Variants in ATP13A3 observed in about 807,000 individuals in gnomAD.
The protein encoded by ATP13A3 is ATPase 13A3.
In ATP13A3, 59 loss-of-function variants were observed where a neutral mutation model predicts 158.1. The observed-to-expected ratio is 0.37, with a 90% CI of 0.30 to 0.46. ATP13A3 has a LOEUF of 0.46. ATP13A3 is among the 20% of genes least tolerant of loss of function. ATP13A3 has a pLI of 1.00. For missense variants in ATP13A3, 1,166 were observed against 1,525.2 expected (o/e 0.76, Z 3.92); for synonymous variants, 491 against 504.3 (o/e 0.97, Z 0.35).
At chr3:194,493,412 C>G (rs535325740) in intron 2 of ATP13A3, among the ~76,000 whole-genome samples, 1 of 151,988 alleles carries the variant, frequency 6.6e-6, no homozygotes, top group Non-Finnish European at 1.5e-5. Flanking sequence ...TTTGGGAGGC[C>G]GAGGCAGGTG....
chr3:194,488,592 C>G (rs1721092050), upstream of ATP13A3: 2 of 152,452 alleles, frequency 1.3e-5, no homozygotes, highest in Non-Finnish European at 1.5e-5. The surrounding 1 kb of genome is among the most constrained non-coding windows in gnomAD (Gnocchi z 4.1). Context: ...TTTGCCAAAC[C>G]TTGCAGGCAT....
upstream of ATP13A3, among the ~76,000 whole-genome samples, chr3:194,490,488 C>G (rs1370708511): frequency 2.0e-5 from 3 of 152,248 alleles, no homozygotes; most frequent in Non-Finnish European, 4.4e-5. The surrounding 1 kb of genome is among the most constrained non-coding windows in gnomAD (Gnocchi z 4.4). Flanking sequence ...CTCCCTGTTT[C>G]TCTTTGTCTA....
At chr3:194,417,162 G>C (rs892111287) in intron 31 of ATP13A3, among the ~76,000 whole-genome samples, 2 of 152,070 alleles carry the variant, frequency 1.3e-5, no homozygotes, top group Admixed American at 6.6e-5. Context: ...AAGAAGAAAA[G>C]CTTAGCTGGG....
upstream of ATP13A3, chr3:194,487,073 A>C (rs1421856896): frequency 6.9e-6 from 1 of 144,450 alleles, no homozygotes; most frequent in South Asian, 2.5e-4. Flanking sequence ...GGGCGACGTC[A>C]GGAGGCGGGG....
chr3:194,478,005 T>G (rs1720599968), intron 2 of ATP13A3, among the ~76,000 whole-genome samples: 1 of 152,338 alleles, frequency 6.6e-6, no homozygotes, highest in East Asian at 1.9e-4. Context: ...GTGTCTTCAC[T>G]CTAGCCAAGC....
chr3:194,411,842 G>A (rs552076415), intron 33 of ATP13A3, among the ~76,000 whole-genome samples: 4 of 152,028 alleles, frequency 2.6e-5, no homozygotes, highest in Admixed American at 6.5e-5. Flanking sequence ...GCTTCTAAGG[G>A]GACTCATGAA....
chr3:194,413,464 A>G (rs375131757), intron 32 of ATP13A3, among the ~76,000 whole-genome samples: 31 of 152,232 alleles, frequency 2.0e-4, no homozygotes, highest in East Asian at 9.7e-4. Flanking sequence ...CTGGTTCATC[A>G]GTTTCATGGG....
chr3:194,449,700 C>A (rs114784800), intron 11 of ATP13A3, among the ~76,000 whole-genome samples: 15 of 147,836 alleles, frequency 1.0e-4, no homozygotes, highest in African/African-American at 2.0e-4. Flanking sequence ...AAAAAAAAAA[C>A]AAAAAAAAAA....
Position 194,447,056 on chromosome 3 carries a change from A to G in ATP13A3, c.1368T>C (p.Pro456=). ...CAGCAGTCATTGCAGCAGGAAGTGC[A>G]GGGGGCACAGTAATTGTGATAATAT... ...SLDIITITVP[P]ALPAAMTAGI... is the part of the protein sequence containing the mutation. Residue 456 remains proline (P), a synonymous_variant, in exon 14 of 34, where the codon CCT becomes CCC. Transcript: ENST00000645319. 1 of 1,613,248 alleles carries G rather than the reference A, an allele frequency of 6.2e-7. No homozygotes were observed. The highest frequency in any genetic ancestry group is 8.5e-7 in the Non-Finnish European group (1 of 1,179,760).
At chr3:194,437,822 T>G (rs190740153) in intron 17 of ATP13A3, among the ~76,000 whole-genome samples, 1 of 152,048 alleles carries the variant, frequency 6.6e-6, no homozygotes, top group African/African-American at 2.4e-5. Flanking sequence ...AACTAAGGGG[T>G]GCAAGCAAGT....
chr3:194,443,333 G>A (rs1718178503), intron 15 of ATP13A3, among the ~76,000 whole-genome samples: 1 of 152,078 alleles, frequency 6.6e-6, no homozygotes, highest in Non-Finnish European at 1.5e-5. Flanking sequence ...GATAATGTAA[G>A]AACAAGCAGT....
chr3:194,430,802 T>C (rs1400969306), intron 24 of ATP13A3, 141 bp downstream of exon 24: 1 of 592,692 alleles, frequency 1.7e-6, no homozygotes. Context: ...GCACTTAAAG[T>C]TCTGAACTAT....
At chr3:194,443,832 A>G (rs922230770) in intron 15 of ATP13A3, among the ~76,000 whole-genome samples, 9 of 152,164 alleles carry the variant, frequency 5.9e-5, no homozygotes, top group Admixed American at 3.9e-4. Context: ...TTTTCAATAC[A>G]CAATATTGAA....
chr3:194,490,526 C>T (rs1026789475), upstream of ATP13A3, among the ~76,000 whole-genome samples: 2 of 152,234 alleles, frequency 1.3e-5, no homozygotes, highest in Non-Finnish European at 2.9e-5. This position sits in a 1 kb window ranked among gnomAD's most constrained non-coding sequence, Gnocchi z 4.4. Context: ...CAGGTGCTTC[C>T]TCTGTCCTTC....
At chr3:194,410,031 C>CAA (rs1715242373) in intron 33 of ATP13A3, among the ~76,000 whole-genome samples, 1 of 151,802 alleles carries the variant, frequency 6.6e-6, no homozygotes, top group South Asian at 2.1e-4. Flanking sequence ...AAACGGAAGA[C>CAA]TTAAATTCTT....
intron 2 of ATP13A3, among the ~76,000 whole-genome samples, chr3:194,470,018 T>C (rs944167180): frequency 1.3e-5 from 2 of 152,218 alleles, no homozygotes; most frequent in Non-Finnish European, 2.9e-5. Flanking sequence ...CAATTCTTTA[T>C]GAGGGCAAAA....
At chr3:194,483,571 C>G (rs1248350107) in intron 2 of ATP13A3, among the ~76,000 whole-genome samples, 1 of 147,040 alleles carries the variant, frequency 6.8e-6, no homozygotes, top group African/African-American at 2.7e-5. Context: ...GCCTGGGAGA[C>G]AGAGCAAGAC....
At position 194,433,821 on chromosome 3, in the gene ATP13A3, T is replaced by C. The variant is rs1303971404; in HGVS notation, c.2196A>G (p.Ala732=). ...MQNKLKQETP[A]VLEDLHKANI... ...TGGCTTTATGCAAATCTTCAAGTAC[T>C]GCAGGGGTTTCTTGCTTTAATTTGT... The change falls in exon 21 of 34, where the codon GCA becomes GCG. Residue 732 remains alanine, a synonymous_variant. Transcript: ENST00000645319. 3 of 1,614,140 alleles carry C rather than the reference T, an allele frequency of 1.9e-6. No individual in the cohort carries two copies. Among genetic ancestry groups the C allele is most frequent in the Non-Finnish European group, 2.5e-6 (3 of 1,179,986 alleles).
At chr3:194,440,937 A>G (rs1718009599) in intron 16 of ATP13A3, among the ~76,000 whole-genome samples, 3 of 152,230 alleles carry the variant, frequency 2.0e-5, no homozygotes, top group Admixed American at 2.0e-4. Flanking sequence ...GACAGGTAAA[A>G]AAGAGCAATG....
Sources: allele counts gnomAD v4.1 joint callset (sites outside exome capture counted in the v4.1 genomes callset), GRCh38; gene constraint gnomAD v4.1.1; non-coding constraint Gnocchi (gnomAD v3.1); transcripts MANE v1.5; gene names NCBI Gene and HGNC (gene_info 2026-07-23, HGNC 2026-07-21).